EVC2: variants seen among roughly 807,000 people sequenced by gnomAD.
The protein encoded by EVC2 is limbin.
Under a neutral mutation model 149.3 loss-of-function variants are expected in EVC2, and 148 were observed. The ratio of observed to expected loss-of-function variants is 0.99; its 90% CI spans 0.87 to 1.14. EVC2 has a LOEUF of 1.14. Ranked by LOEUF, EVC2 falls within the 50% of genes most tolerant of loss-of-function variation. EVC2 has a pLI of 0.00. For synonymous variants in EVC2, 776 were observed against 649.9 expected, an observed-to-expected ratio of 1.19 and a Z score of -2.95; for missense variants, 1,854 against 1,627.3, an observed-to-expected ratio of 1.14 and a Z score of -2.40.
At chr4:5,566,162 T>C (rs963386123) in intron 20 of EVC2, among the ~76,000 whole-genome samples, 2 of 152,206 alleles carry the variant, frequency 1.3e-5, no homozygotes, top group African/African-American at 4.8e-5. Flanking sequence ...CAGGGAGCCC[T>C]AAAGCCATGA....
At chr4:5,593,101 T>C (rs1011370031) in intron 16 of EVC2, among the ~76,000 whole-genome samples, 1 of 152,162 alleles carries the variant, frequency 6.6e-6, no homozygotes, top group East Asian at 1.9e-4. Context: ...TCTGCCATGA[T>C]TGTAAGTTTC....
chr4:5,665,068 G>A (rs1437602387), intron 8 of EVC2, among the ~76,000 whole-genome samples: 1 of 152,030 alleles, frequency 6.6e-6, no homozygotes, highest in Admixed American at 6.6e-5. Context: ...ATGCATGTGG[G>A]TGACAGGCTG....
intron 16 of EVC2, among the ~76,000 whole-genome samples, chr4:5,595,291 G>A (rs1468871379): frequency 6.6e-6 from 1 of 151,998 alleles, no homozygotes; most frequent in Non-Finnish European, 1.5e-5. Flanking sequence ...TTGAAATGAA[G>A]GAAAAAATGT....
rs768661102 is a variant in EVC2, at chr4:5,708,447, G to A, written c.67C>T (p.Leu23=). 4 of 1,507,096 alleles carry A rather than the reference G, an allele frequency of 2.7e-6. No homozygotes were observed. The South Asian group carries it at 3.7e-5, about 14-fold the overall frequency. The allele number at this position is 1,507,096 out of a possible 1,614,324, so 93.4% of individuals were successfully genotyped here. ...VLAGGLLAVA[L]ALGGRGCLGA... ...AGACAGCCTCGGCCCCCCAGCGCCA[G>A]GGCCACTGCCAGGAGACCCCCGGCC... Residue 23 remains leucine (L), a synonymous_variant, in exon 1 of 22, where the codon CTG becomes TTG. Transcript: ENST00000344408.
chr4:5,563,805 G>A (rs1185589908), intron 21 of EVC2, among the ~76,000 whole-genome samples: 1 of 152,104 alleles, frequency 6.6e-6, no homozygotes, highest in Non-Finnish European at 1.5e-5. Context: ...GTACACCTAT[G>A]AGCCTCACTC....
Position 5,614,330 on chromosome 4 carries a change from G to A in EVC2, c.2829+1092C>T, listed in dbSNP as rs1715071331. ...CAACTAGAACGGGCTCGCCTCTACT[G>A]GAGAGCAGGGACCAGGGCTGCCTCA... On this transcript the variant is annotated intron_variant, in intron 16 of 21. Transcript: ENST00000344408. This position sits in a 1 kb window ranked among gnomAD's most constrained non-coding sequence, Gnocchi z 4.7. 6.6e-6 allele frequency among the ~76,000 whole-genome samples: 1 copy of A among 152,180 alleles called. No homozygotes were observed. Among genetic ancestry groups the A allele is most frequent in the Non-Finnish European group, 1.5e-5 (1 of 68,028 alleles).
intron 9 of EVC2, among the ~76,000 whole-genome samples, chr4:5,656,006 A>T (rs1444895537): frequency 6.6e-6 from 1 of 152,142 alleles, no homozygotes; most frequent in Non-Finnish European, 1.5e-5. Context: ...TTCCTGAGGG[A>T]AGTGGGGGAG....
chr4:5,609,555 G>T (rs202233853), intron 16 of EVC2, among the ~76,000 whole-genome samples: 2 of 152,152 alleles, frequency 1.3e-5, no homozygotes, highest in Admixed American at 6.5e-5. Context: ...CCTGGATCAC[G>T]TAGCATGTGG....
rs1306659699 is a variant in EVC2, at chr4:5,686,952, A to G, written c.707-1473T>C. On this transcript the variant is annotated intron_variant, in intron 5 of 21. Transcript: ENST00000344408. The surrounding 1 kb of genome is among the most constrained non-coding windows in gnomAD (Gnocchi z 5.4). The stretch of plus-strand genomic sequence containing the variant: ...CATAAATAACAAGAATGGAGCAGTA[A>G]GAATAAAAATAACAACAACAGTGGC... Among the ~76,000 whole-genome samples, 1 of 152,182 alleles carries G rather than the reference A, an allele frequency of 6.6e-6. No homozygotes were observed. The highest frequency in any genetic ancestry group is 6.5e-5 in the Admixed American group (1 of 15,276).
Position 5,564,486 on chromosome 4 carries a change from T to A in EVC2, c.3659+772A>T, listed in dbSNP as rs1408163773. 2.0e-5 allele frequency among the ~76,000 whole-genome samples: 3 copies of A among 152,212 alleles called. No homozygotes were observed. In the East Asian group the frequency reaches 5.8e-4, roughly 29 times the overall value. On this transcript the variant is annotated intron_variant, in intron 21 of 21. Coordinates refer to ENST00000344408, the MANE Select transcript of EVC2 (RefSeq NM_147127.5). ...GTTCCAAGCGCTTTATCATGAGTAA[T>A]CTATGAAGCTCGGTCTCAGCACCTT...
At chr4:5,658,323 G>C (rs151176205) in intron 9 of EVC2, among the ~76,000 whole-genome samples, 13 of 152,192 alleles carry the variant, frequency 8.5e-5, no homozygotes, top group Non-Finnish European at 1.8e-4. Flanking sequence ...TGGATGAGTT[G>C]TTTAACTTCC....
intron 7 of EVC2, among the ~76,000 whole-genome samples, chr4:5,680,459 C>T (rs1438853866): frequency 6.6e-6 from 1 of 152,102 alleles, no homozygotes; most frequent in Non-Finnish European, 1.5e-5. Flanking sequence ...CATTGTAATC[C>T]TGCGGGACCA....
chr4:5,561,948 T>C (rs545056739), downstream of EVC2, among the ~76,000 whole-genome samples: 12 of 152,262 alleles, frequency 7.9e-5, no homozygotes, highest in Admixed American at 7.8e-4. Flanking sequence ...CCATTGTAAT[T>C]GTATTATTTG....
At chr4:5,669,486 T>C (rs1452483419) in intron 7 of EVC2, among the ~76,000 whole-genome samples, 1 of 152,196 alleles carries the variant, frequency 6.6e-6, no homozygotes, top group African/African-American at 2.4e-5. Context: ...GGGCTGTATG[T>C]TTTTCTAAAA....
At chr4:5,565,565 C>T (rs766552918) in intron 20 of EVC2, among the ~76,000 whole-genome samples, 25 of 151,144 alleles carry the variant, frequency 1.7e-4, no homozygotes, top group African/African-American at 3.4e-4. Context: ...CCAGCTACTC[C>T]GGAGGCTGAG....
intron 20 of EVC2, among the ~76,000 whole-genome samples, chr4:5,565,991 C>G (rs1353739144): frequency 6.6e-6 from 1 of 152,234 alleles, no homozygotes; most frequent in Non-Finnish European, 1.5e-5. Context: ...CTGCCTCCCC[C>G]ACTGGGATGA....
intron 16 of EVC2, among the ~76,000 whole-genome samples, chr4:5,602,771 G>T (rs1714091664): frequency 6.6e-6 from 1 of 152,176 alleles, no homozygotes; most frequent in South Asian, 2.1e-4. Flanking sequence ...GTTGAGTGAA[G>T]AGAGTAAAAT....
chr4:5,552,537 G>A (rs995020185), intron 21 of EVC2, among the ~76,000 whole-genome samples: 7 of 151,942 alleles, frequency 4.6e-5, no homozygotes, highest in South Asian at 2.1e-4. Context: ...TGATAGAGTC[G>A]CAGAGGCTGA....
downstream of EVC2, chr4:5,562,309 CAT>C (rs567920149): frequency 3.6e-4 from 122 of 340,148 alleles, no homozygotes; most frequent in African/African-American, 2.3e-3. This position sits in a 1 kb window ranked among gnomAD's most constrained non-coding sequence, Gnocchi z 4.3. Context: ...GGGGCTGACA[CAT>C]GTTTTGGCAA....
Sources: allele counts gnomAD v4.1 joint callset (sites outside exome capture counted in the v4.1 genomes callset), GRCh38; gene constraint gnomAD v4.1.1; non-coding constraint Gnocchi (gnomAD v3.1); transcripts MANE v1.5; gene names NCBI Gene and HGNC (gene_info 2026-07-23, HGNC 2026-07-21).